Variants in DPP10 observed in about 807,000 individuals in gnomAD.
DPP10 encodes the protein inactive dipeptidyl peptidase 10.
Under a neutral mutation model 120.9 loss-of-function variants are expected in DPP10, and 33 were observed. That is an observed-to-expected ratio of 0.27 (90% CI 0.21 to 0.37). DPP10 has a LOEUF of 0.37. Among genes scored for constraint, DPP10 ranks in the 10% least tolerant of loss-of-function variants. The pLI, the probability that DPP10 is intolerant of heterozygous loss-of-function variation, is 1.00. For synonymous variants in DPP10, 337 were observed against 326.1 expected (o/e 1.03, Z -0.36); for missense variants, 816 against 942.8 (o/e 0.87, Z 1.76).
At chr2:114,617,306 T>C (rs574938945) in intron 1 of DPP10, among the ~76,000 whole-genome samples, 2 of 152,246 alleles carry the variant, frequency 1.3e-5, no homozygotes, top group African/African-American at 2.4e-5. Flanking sequence ...TATAGTATTG[T>C]AGTTAGTAGA....
intron 1 of DPP10, among the ~76,000 whole-genome samples, chr2:115,255,269 T>G (rs2058933240): frequency 6.6e-6 from 1 of 152,204 alleles, no homozygotes; most frequent in African/African-American, 2.4e-5. Context: ...ACCCGTGGCC[T>G]GAGCTGTACC....
intron 13 of DPP10, among the ~76,000 whole-genome samples, chr2:115,768,877 A>T (rs1045893311): frequency 6.6e-6 from 1 of 152,018 alleles, no homozygotes; most frequent in Non-Finnish European, 1.5e-5. Flanking sequence ...GCAGATTTTT[A>T]AAAAACAGGA....
At chr2:115,542,056 A>G (rs2079202731) in intron 5 of DPP10, among the ~76,000 whole-genome samples, 1 of 151,950 alleles carries the variant, frequency 6.6e-6, no homozygotes, top group Non-Finnish European at 1.5e-5. Context: ...GACTAGCATA[A>G]CATAATTCAT....
chr2:115,678,321 T>G (rs1014194564), intron 5 of DPP10, among the ~76,000 whole-genome samples: 2 of 152,228 alleles, frequency 1.3e-5, no homozygotes, highest in Admixed American at 6.5e-5. Context: ...GGGGCCCCCC[T>G]GCTGTGTGCA....
At chr2:115,466,918 T>C (rs2074362494) in intron 3 of DPP10, among the ~76,000 whole-genome samples, 1 of 152,180 alleles carries the variant, frequency 6.6e-6, no homozygotes, top group Admixed American at 6.5e-5. Context: ...GGTAGAAGCA[T>C]TGATTACTCT....
chr2:114,842,717 C>T (rs1032593405), intron 1 of DPP10, among the ~76,000 whole-genome samples: 1 of 152,194 alleles, frequency 6.6e-6, no homozygotes, highest in Non-Finnish European at 1.5e-5. Flanking sequence ...CTGAAAGAAT[C>T]ACAGAGATTC....
chr2:115,676,876 C>G (rs2090307341), intron 5 of DPP10, among the ~76,000 whole-genome samples: 1 of 152,138 alleles, frequency 6.6e-6, no homozygotes, highest in Non-Finnish European at 1.5e-5. Flanking sequence ...AATGTCCTCT[C>G]TGAAGTACAA....
At chr2:115,108,296 G>T (rs1018123254) in intron 1 of DPP10, among the ~76,000 whole-genome samples, 3 of 152,288 alleles carry the variant, frequency 2.0e-5, no homozygotes, top group Admixed American at 6.5e-5. Context: ...GCAGAGGTTT[G>T]GTAGGTAATA....
intron 1 of DPP10, among the ~76,000 whole-genome samples, chr2:114,646,166 AT>A (rs1696110943): frequency 6.7e-6 from 1 of 149,900 alleles, no homozygotes; most frequent in South Asian, 2.1e-4. Context: ...TCTCAAATAA[AT>A]AAATAAATAA....
intron 1 of DPP10, among the ~76,000 whole-genome samples, chr2:114,748,402 T>A (rs1011720872): frequency 7.3e-5 from 10 of 137,686 alleles, no homozygotes; most frequent in Middle Eastern, 3.4e-3. Flanking sequence ...TTATTTATTT[T>A]AAATTTTTTT....
chr2:114,564,177 T>G (rs1374465149), intron 1 of DPP10, among the ~76,000 whole-genome samples: 4 of 152,022 alleles, frequency 2.6e-5, no homozygotes, highest in African/African-American at 9.7e-5. Flanking sequence ...TAATGGGAGG[T>G]GTAATTTTAT....
chr2:115,297,273 A>G (rs770166502), intron 1 of DPP10: 4 of 410,148 alleles, frequency 9.8e-6, no homozygotes, highest in Non-Finnish European at 2.0e-5. Context: ...GCCTAGGAAG[A>G]TGAAAGCCTT....
intron 3 of DPP10, among the ~76,000 whole-genome samples, chr2:115,349,815 G>A (rs1488876146): frequency 6.6e-6 from 1 of 151,962 alleles, no homozygotes; most frequent in African/African-American, 2.4e-5. Flanking sequence ...ACTTCACTTG[G>A]TAGAGCTGCA....
intron 1 of DPP10, among the ~76,000 whole-genome samples, chr2:114,445,088 G>A (rs1261300455): frequency 2.0e-5 from 3 of 152,108 alleles, no homozygotes; most frequent in Non-Finnish European, 4.4e-5. Context: ...TAAGATGAGA[G>A]GGTTTTGGGA....
At chr2:115,717,111 C>T (rs2092520965) in intron 7 of DPP10, among the ~76,000 whole-genome samples, 1 of 152,142 alleles carries the variant, frequency 6.6e-6, no homozygotes, top group Non-Finnish European at 1.5e-5. Flanking sequence ...GGGACACCTA[C>T]CTGGGAAGAA....
Position 114,734,935 on chromosome 2 carries a change from C to T in DPP10, c.60+292097C>T, listed in dbSNP as rs1015427368. Among the ~76,000 whole-genome samples, 3 of 152,154 alleles carry T rather than the reference C, an allele frequency of 2.0e-5. No individual in the cohort carries two copies. The East Asian group carries it at 5.8e-4, about 29-fold the overall frequency. On this transcript the variant is annotated intron_variant, in intron 1 of 25. Transcript: ENST00000410059. ...AAGGTGTTGGCAGGTCTGGTTTCTT[C>T]TGAGGCCTCTCTCCTTAGCTCATAG...
chr2:114,865,395 T>G (rs2106544131), intron 1 of DPP10, among the ~76,000 whole-genome samples: 1 of 152,366 alleles, frequency 6.6e-6, no homozygotes, highest in South Asian at 2.1e-4. Flanking sequence ...GCTGAGTGAC[T>G]TGCTTGCAGA....
intron 1 of DPP10, among the ~76,000 whole-genome samples, chr2:115,177,543 C>T (rs2053775894): frequency 6.6e-6 from 1 of 152,088 alleles, no homozygotes; most frequent in Non-Finnish European, 1.5e-5. Flanking sequence ...TACAGTGGAA[C>T]GTCTCCTTCC....
At chr2:114,979,997 T>C (rs1430857690) in intron 1 of DPP10, among the ~76,000 whole-genome samples, 1 of 152,124 alleles carries the variant, frequency 6.6e-6, no homozygotes, top group Non-Finnish European at 1.5e-5. Context: ...TGGTTTTGAG[T>C]GTTAAGTCTC....
Sources: gnomAD v4.1 joint callset for allele counts (sites outside exome capture counted in the v4.1 genomes callset) on GRCh38, gnomAD v4.1.1 for gene constraint, MANE v1.5 for transcripts, NCBI Gene and HGNC (gene_info 2026-07-23, HGNC 2026-07-21) for gene names.